PCDHGB5: variants seen among roughly 807,000 people sequenced by gnomAD.
The protein encoded by PCDHGB5 is protocadherin gamma subfamily B, 5, also known as protocadherin gamma-B5.
In PCDHGB5, 48 loss-of-function variants were observed where a neutral mutation model predicts 62.9. The ratio of observed to expected loss-of-function variants is 0.76; its 90% CI spans 0.61 to 0.97. The LOEUF (loss-of-function observed/expected upper bound fraction) is 0.97. Among genes scored for constraint, PCDHGB5 ranks in the 50% least tolerant of loss-of-function variants. The pLI, the probability that PCDHGB5 is intolerant of heterozygous loss-of-function variation, is 0.00. For synonymous variants in PCDHGB5, 474 were observed against 511.2 expected (o/e 0.93, Z 0.98); for missense variants, 1,118 against 1,198.6 (o/e 0.93, Z 0.99).
At chr5:141,451,198 C>T (rs1415589731) in intron 1 of PCDHGB5, among the ~76,000 whole-genome samples, 1 of 152,114 alleles carries the variant, frequency 6.6e-6, no homozygotes, top group Non-Finnish European at 1.5e-5. Context: ...AACAAATTAT[C>T]CCAAAACTTA....
chr5:141,404,982 G>GGATTA (rs1244941764), intron 1 of PCDHGB5: 10 of 1,613,938 alleles, frequency 6.2e-6, no homozygotes, highest in Non-Finnish European at 8.5e-6. Context: ...GACCTGGGCA[G>GGATTA]TCTTCAGATC....
chr5:141,444,594 T>C (rs2098442338), intron 1 of PCDHGB5, among the ~76,000 whole-genome samples: 1 of 152,244 alleles, frequency 6.6e-6, no homozygotes, highest in South Asian at 2.1e-4. Flanking sequence ...ACTTACCTTA[T>C]TTAAAATTGA....
Position 141,404,574 on chromosome 5 carries a change from C to G in PCDHGB5, c.2397+4050C>G, listed in dbSNP as rs185791741. 3 of 1,613,908 alleles carry G rather than the reference C, an allele frequency of 1.9e-6. No individual in the cohort carries two copies. The East Asian group carries it at 6.7e-5, about 36-fold the overall frequency. The stretch of plus-strand genomic sequence containing the variant: ...ACGGCAAGTGACAGTGGAAGCCCAC[C>G]ACTTAGCAGCAATGTGTCATTGAGA... On this transcript the variant is annotated intron_variant, in intron 1 of 3. Coordinates refer to ENST00000617380, the MANE Select transcript of PCDHGB5 (RefSeq NM_018925.3).
At position 141,399,929 on chromosome 5, in the gene PCDHGB5, C is replaced by T. The variant is rs746168026; in HGVS notation, c.1802C>T (p.Ser601Phe). 15 of 1,612,262 alleles carry T rather than the reference C, an allele frequency of 9.3e-6. No homozygotes were observed. The African/African-American group carries it at 1.1e-4, about 11-fold the overall frequency. The change falls in exon 1 of 4, where the codon TCC becomes TTC. Residue 601 changes from serine to phenylalanine, a missense_variant. Coordinates refer to ENST00000617380, the MANE Select transcript of PCDHGB5 (RefSeq NM_018925.3). ...GACTCAGGACACAACGCCTGGCTGT[C>T]CTACCACGTGCTGCAGGCTAGCGAG... ...DADSGHNAWL[S>F]YHVLQASEPG... is the part of the protein sequence containing the mutation.
chr5:141,433,365 A>G (rs1347170890), intron 1 of PCDHGB5: 7 of 523,718 alleles, frequency 1.3e-5, no homozygotes, highest in Non-Finnish European at 2.4e-5. Context: ...CTGCCTATCT[A>G]TCTATCTATC....
rs951185891 is a variant in PCDHGB5, at chr5:141,494,814, C to T, written c.2405C>T (p.Pro802Leu). 7 of 1,614,152 alleles carry T rather than the reference C, an allele frequency of 4.3e-6. No individual in the cohort carries two copies. The highest frequency in any genetic ancestry group is 1.7e-5 in the Admixed American group (1 of 60,024). Residue 802 changes from proline to leucine, a missense_variant, in exon 2 of 4, where the codon CCG becomes CTG. By Grantham distance (98) the Pro-to-Leu change is moderately conservative (BLOSUM62 -3). Transcript: ENST00000617380. The part of the protein sequence containing the change: ...ESTSHPELQA[P>L]PNTDWRFSQA... ...CCTCTGTTTTCTCCACAGCAAGCCCCGCCCAACACGGACTGGCGTTTCTCT... is the reference window on the plus strand; with the variant it reads ...CCTCTGTTTTCTCCACAGCAAGCCCTGCCCAACACGGACTGGCGTTTCTCT...
intron 1 of PCDHGB5, among the ~76,000 whole-genome samples, chr5:141,492,922 T>C (rs1191111432): frequency 1.3e-5 from 2 of 152,194 alleles, no homozygotes; most frequent in Non-Finnish European, 2.9e-5. Context: ...TGCCCAGCGA[T>C]CTAGGGTCAG....
At position 141,489,207 on chromosome 5, in the gene PCDHGB5, A is replaced by T; in HGVS notation, c.2398-5600A>T. The T allele has an allele frequency of 6.9e-7, 1 of 1,452,692 alleles. No homozygotes were observed. The highest frequency in any genetic ancestry group is 9.3e-7 in the Non-Finnish European group (1 of 1,073,586). 90.0% of individuals were successfully genotyped at this position (1,452,692 alleles called of 1,614,324 possible). ...GGGTCTACCTTGGAGACAGGACAGC[A>T]CAGACTTACTCTCCACAAAGGGACT... On this transcript the variant is annotated intron_variant, in intron 1 of 3. Transcript: ENST00000617380. The surrounding 1 kb of genome is among the most constrained non-coding windows in gnomAD (Gnocchi z 4.5).
intron 1 of PCDHGB5, among the ~76,000 whole-genome samples, chr5:141,436,749 C>T (rs2097844674): frequency 6.6e-6 from 1 of 152,154 alleles, no homozygotes; most frequent in Admixed American, 6.5e-5. Flanking sequence ...TGTGCTTCTC[C>T]ATATGGTATA....
intron 2 of PCDHGB5, among the ~76,000 whole-genome samples, chr5:141,501,223 T>G (rs1247662371): frequency 6.6e-6 from 1 of 151,280 alleles, no homozygotes; most frequent in African/African-American, 2.4e-5. Flanking sequence ...CTTCCTAGAT[T>G]TCTCAGTTTT....
Position 141,399,704 on chromosome 5 carries a change from T to A in PCDHGB5, c.1577T>A (p.Leu526His). Reference protein sequence around the residue: ...FDYEQLRTFELTLQARDQGSP... With the variant: ...FDYEQLRTFEHTLQARDQGSP... ...TACGAGCAGCTGCGCACCTTCGAAC[T>A]CACACTACAGGCCCGCGACCAGGGC... Residue 526 changes from leucine to histidine, a missense_variant, in exon 1 of 4, where the codon CTC becomes CAC. Leu to His is a moderately conservative substitution (Grantham distance 99). Coordinates refer to ENST00000617380, the MANE Select transcript of PCDHGB5 (RefSeq NM_018925.3). The A allele has an allele frequency of 6.2e-7, 1 of 1,613,424 alleles. No homozygotes were observed. Among genetic ancestry groups the A allele is most frequent in the Non-Finnish European group, 8.5e-7 (1 of 1,179,872 alleles).
At chr5:141,410,585 G>A in intron 1 of PCDHGB5, 1 of 1,610,012 alleles carries the variant, frequency 6.2e-7, no homozygotes, top group South Asian at 1.1e-5. Flanking sequence ...TCATGGTGGG[G>A]AGGATTTGAC....
chr5:141,410,528 A>G (rs1464482105), intron 1 of PCDHGB5: 3 of 1,613,852 alleles, frequency 1.9e-6, no homozygotes, highest in Non-Finnish European at 2.5e-6. Flanking sequence ...CCTACATTCC[A>G]ATGAAGACAT....
At chr5:141,427,599 C>G (rs1233253295) in intron 1 of PCDHGB5, 1 of 682,980 alleles carries the variant, frequency 1.5e-6, no homozygotes, top group African/African-American at 1.8e-5. Flanking sequence ...CCTCACCCTA[C>G]GCATTGGTGA....
intron 1 of PCDHGB5, chr5:141,428,826 A>G (rs190740602): frequency 1.3e-5 from 2 of 149,304 alleles, no homozygotes; most frequent in South Asian, 2.1e-4. Context: ...GCTTTCATGT[A>G]TTTTTGAAAC....
In PCDHGB5 at chr5:141,500,954, C is replaced by T. The variant is rs536993707; in HGVS notation, c.2457-4439C>T. On this transcript the variant is annotated intron_variant, in intron 2 of 3. Coordinates refer to ENST00000617380, the MANE Select transcript of PCDHGB5 (RefSeq NM_018925.3). Reference sequence around the variant, plus strand: ...CGCCATCTCGGCTCACTGCAAGCTCCACCTCCTGGGTTCAAGCAATTCTCC... The same window carrying T: ...CGCCATCTCGGCTCACTGCAAGCTCTACCTCCTGGGTTCAAGCAATTCTCC... Among the ~76,000 whole-genome samples the T allele has an allele frequency of 2.4e-3, 358 of 152,060 alleles. 1 individual carries two copies. The highest frequency in any genetic ancestry group is 4.1e-3 in the Admixed American group (63 of 15,282).
chr5:141,419,217 G>A (rs1407588828), intron 1 of PCDHGB5: 1 of 1,613,936 alleles, frequency 6.2e-7, no homozygotes, highest in Admixed American at 1.7e-5. Context: ...CCGGTTTTCG[G>A]ACAGTCAGCC....
At position 141,487,791 on chromosome 5, in the gene PCDHGB5, C is replaced by T; in HGVS notation, c.2398-7016C>T. ...CTTTGTAACTGTTTCGTGAATTAAC[C>T]AGAGTTGTCACAGTTTAGCATTGGG... On this transcript the variant is annotated intron_variant, in intron 1 of 3. Coordinates refer to ENST00000617380, the MANE Select transcript of PCDHGB5 (RefSeq NM_018925.3). This position sits in a 1 kb window ranked among gnomAD's most constrained non-coding sequence, Gnocchi z 5.0. 6.6e-7 allele frequency: 1 copy of T among 1,510,152 alleles called. No individual in the cohort carries two copies. The highest frequency in any genetic ancestry group is 1.4e-5 in the African/African-American group (1 of 72,206). The allele number at this position is 1,510,152 out of a possible 1,614,324, so 93.5% of individuals were successfully genotyped here. A position where few individuals can be genotyped will look rare whatever the true frequency, so the allele number is the denominator to read the frequency against.
At position 141,414,671 on chromosome 5, in the gene PCDHGB5, C is replaced by A. The variant is rs115280317; in HGVS notation, c.2397+14147C>A. On this transcript the variant is annotated intron_variant, in intron 1 of 3. Coordinates refer to ENST00000617380, the MANE Select transcript of PCDHGB5 (RefSeq NM_018925.3). ...ATTATTTACTCCCTGGCTGAAGACA[C>A]CATCCAGGGGGTACCTCTGTCCTCA... 857 of 1,613,966 alleles carry A rather than the reference C, an allele frequency of 5.3e-4. 9 individuals carry two copies. In the African/African-American group the frequency reaches 0.01, roughly 19 times the overall value.
Sources: gnomAD v4.1 joint callset for allele counts (sites outside exome capture counted in the v4.1 genomes callset) on GRCh38, gnomAD v4.1.1 for gene constraint, Gnocchi (gnomAD v3.1) non-coding constraint, MANE v1.5 for transcripts, NCBI Gene and HGNC (gene_info 2026-07-23, HGNC 2026-07-21) for gene names.